GOLGA8A: variants seen among roughly 807,000 people sequenced by gnomAD.
GOLGA8A encodes golgin subfamily A member 8A.
In GOLGA8A, 3 loss-of-function variants were observed where a neutral mutation model predicts 22.1. The ratio of observed to expected loss-of-function variants is 0.14; its 90% CI spans 0.06 to 0.35. The LOEUF (loss-of-function observed/expected upper bound fraction) is 0.35. Among genes scored for constraint, GOLGA8A ranks in the 10% least tolerant of loss-of-function variants. The probability of loss-of-function intolerance (pLI) is 1.00; values close to 1 mark genes in which losing one functional copy is unlikely to be tolerated. For missense variants in GOLGA8A, 16 were observed against 233.2 expected, an observed-to-expected ratio of 0.07 and a Z score of 6.07; for synonymous variants, 7 against 91.7, an observed-to-expected ratio of 0.08 and a Z score of 5.28.
intron 6 of GOLGA8A, 82 bp downstream of exon 6, chr15:34,400,630 T>C (rs1293831382): frequency 5.3e-4 from 75 of 142,408 alleles, no homozygotes; most frequent in Middle Eastern, 3.7e-3. Context: ...TTGTTTTTTT[T>C]GTTTTAGGCC....
chr15:34,425,232 C>A (rs1892935457), intron 2 of GOLGA8A, among the ~76,000 whole-genome samples: 1 of 147,816 alleles, frequency 6.8e-6, no homozygotes. Context: ...GTAACTTACA[C>A]GGTAGATAGT....
chr15:34,427,660 A>G (rs1453606577), intron 2 of GOLGA8A, among the ~76,000 whole-genome samples: 1 of 144,964 alleles, frequency 6.9e-6, no homozygotes, highest in African/African-American at 2.5e-5. Context: ...CCTGCCAGCC[A>G]TCGGACTCCC....
chr15:34,381,213 G>C lies in GOLGA8A; in HGVS notation c.*198C>G. ...AAGAAAAATGCTGAAGGATGCCAGA[G>C]TGAACATCAGTGAGAGCCACAGAGA... On this transcript the variant is annotated 3_prime_UTR_variant, in exon 25 of 25. Transcript: ENST00000359187. The C allele has an allele frequency of 1.1e-6, 1 of 947,414 alleles. No homozygotes were observed. The highest frequency in any genetic ancestry group is 1.6e-6 in the Non-Finnish European group (1 of 636,872). The allele number at this position is 947,414 out of a possible 1,614,324, so 58.7% of individuals were successfully genotyped here. A position where few individuals can be genotyped will look rare whatever the true frequency, so the allele number is the denominator to read the frequency against.
rs868852919 is a variant in GOLGA8A, at chr15:34,437,045, A to G, written c.-1212+353T>C. Among the ~76,000 whole-genome samples, 353 of 148,758 alleles carry G rather than the reference A, an allele frequency of 2.4e-3. 28 individuals carry two copies. The highest frequency in any genetic ancestry group is 8.5e-3 in the African/African-American group (344 of 40,438). On this transcript the variant is annotated intron_variant, in intron 1 of 24. Transcript: ENST00000359187. ...CACCAGCGGCCCGACCAGCCCGGCGAGACGCGAGCGGGCGGCCCCGCCAGA... is the reference window on the plus strand; with the variant it reads ...CACCAGCGGCCCGACCAGCCCGGCGGGACGCGAGCGGGCGGCCCCGCCAGA...
At chr15:34,436,766 G>A (rs1208835284) in intron 1 of GOLGA8A, among the ~76,000 whole-genome samples, 2 of 149,952 alleles carry the variant, frequency 1.3e-5, no homozygotes, top group Non-Finnish European at 3.0e-5. Context: ...GCCAGGCAGT[G>A]CCTGGCGTGG....
At position 34,384,057 on chromosome 15, in the gene GOLGA8A, G is replaced by A; in HGVS notation, c.568-10C>T. On this transcript the variant is annotated splice_polypyrimidine_tract_variant and intron_variant, in intron 16 of 24. Coordinates refer to ENST00000359187, the MANE Select transcript of GOLGA8A (RefSeq NM_181077.5). ...TACTGCGGCTCGAGAACTGGATGGTGAAGAGTGAGAAGTTTCGATCTGGGG... is the reference window on the plus strand; with the variant it reads ...TACTGCGGCTCGAGAACTGGATGGTAAAGAGTGAGAAGTTTCGATCTGGGG... The A allele has an allele frequency of 1.9e-6, 1 of 534,450 alleles. No individual in the cohort carries two copies. Among genetic ancestry groups the A allele is most frequent in the Middle Eastern group, 4.9e-4 (1 of 2,028 alleles). The allele number at this position is 534,450 out of a possible 1,614,324, so 33.1% of individuals were successfully genotyped here.
rs1251232489 is a variant in GOLGA8A at position 34,423,035 on chromosome 15, C to G, written c.-1123+12348G>C. On this transcript the variant is annotated intron_variant, in intron 2 of 24. Transcript: ENST00000359187. ...AGCCAGAAATGGGGCATTTGGGGAC[C>G]GCAACAGAGAACGGATGCCTAGCAG... is the stretch of plus-strand genomic sequence containing the variant. Among the ~76,000 whole-genome samples the G allele has an allele frequency of 1.5e-5, 2 of 131,454 alleles. 1 individual carries two copies. The highest frequency in any genetic ancestry group is 3.4e-5 in the Non-Finnish European group (2 of 59,504). The allele number at this position is 131,454 out of a possible 152,430, so 86.2% of individuals were successfully genotyped here. A position where few individuals can be genotyped will look rare whatever the true frequency, so the allele number is the denominator to read the frequency against.
intron 2 of GOLGA8A, chr15:34,416,333 T>C (rs1892574788): frequency 6.8e-6 from 1 of 147,878 alleles, no homozygotes; most frequent in Admixed American, 6.9e-5. Context: ...TGATACTCTT[T>C]TGTCCTCTCC....
At position 34,436,407 on chromosome 15, in the gene GOLGA8A, C is replaced by T. The variant is rs189516759; in HGVS notation, c.-1211-936G>A. ...GCCAAGTTTGGGGCGCTTCCTCCACCGCATGCCTGTTTAGGAGCTGACTGC... is the reference window on the plus strand; with the variant it reads ...GCCAAGTTTGGGGCGCTTCCTCCACTGCATGCCTGTTTAGGAGCTGACTGC... On this transcript the variant is annotated intron_variant, in intron 1 of 24. Coordinates refer to ENST00000359187, the MANE Select transcript of GOLGA8A (RefSeq NM_181077.5). Among the ~76,000 whole-genome samples the T allele has an allele frequency of 4.7e-5, 7 of 149,906 alleles. 1 individual carries two copies. In the South Asian group the frequency reaches 6.4e-4, roughly 14 times the overall value.
At position 34,437,468 on chromosome 15, in the gene GOLGA8A, T is replaced by C. The variant is rs1385069872; in HGVS notation, c.-1282A>G. 5 of 79,662 alleles carry C rather than the reference T, an allele frequency of 6.3e-5. No homozygotes were observed. Among genetic ancestry groups the C allele is most frequent in the African/African-American group, 1.8e-4 (3 of 16,696 alleles). 4.9% of individuals were successfully genotyped at this position (79,662 alleles called of 1,614,324 possible). A position where few individuals can be genotyped will look rare whatever the true frequency, so the allele number is the denominator to read the frequency against. On this transcript the variant is annotated 5_prime_UTR_variant, in exon 1 of 25. Coordinates refer to ENST00000359187, the MANE Select transcript of GOLGA8A (RefSeq NM_181077.5). ...CGCCGCCGTCCTCGCCGCGCCGCCGTCCTCGCCGCGCCGCCGTCCTCGCCG... is the reference window on the plus strand; with the variant it reads ...CGCCGCCGTCCTCGCCGCGCCGCCGCCCTCGCCGCGCCGCCGTCCTCGCCG...
chr15:34,433,588 C>T (rs349629), intron 2 of GOLGA8A, among the ~76,000 whole-genome samples: 90,586 of 147,806 alleles, frequency 0.61, 30,623 homozygotes, highest in Non-Finnish European at 0.66. Flanking sequence ...CAGGAGGATC[C>T]AAATGTGAAC....
rs1157306335 is a variant in GOLGA8A, at chr15:34,379,628, A to G, written c.*1783T>C. ...CTCCTGTTAATCTCACATTTATAAA[A>G]GGATCATGAGGCTGCCAAGTGCTAA... is the stretch of plus-strand genomic sequence containing the variant. On this transcript the variant is annotated 3_prime_UTR_variant, in exon 25 of 25. Coordinates refer to ENST00000359187, the MANE Select transcript of GOLGA8A (RefSeq NM_181077.5). The G allele has an allele frequency of 5.2e-5, 8 of 152,672 alleles. No individual in the cohort carries two copies. In the East Asian group the frequency reaches 1.3e-3, roughly 26 times the overall value. The allele number at this position is 152,672 out of a possible 1,614,324, so 9.5% of individuals were successfully genotyped here. A position where few individuals can be genotyped will look rare whatever the true frequency, so the allele number is the denominator to read the frequency against.
intron 2 of GOLGA8A, among the ~76,000 whole-genome samples, chr15:34,434,861 T>C (rs1316590997): frequency 1.3e-5 from 2 of 149,408 alleles, no homozygotes; most frequent in Non-Finnish European, 3.0e-5. Flanking sequence ...TGAGACTGCG[T>C]TGAGGACACA....
At position 34,436,673 on chromosome 15, in the gene GOLGA8A, C is replaced by G. The variant is rs1180994155; in HGVS notation, c.-1212+725G>C. Among the ~76,000 whole-genome samples, 5 of 149,662 alleles carry G rather than the reference C, an allele frequency of 3.3e-5. 1 individual carries two copies. The highest frequency in any genetic ancestry group is 7.4e-5 in the Non-Finnish European group (5 of 67,232). On this transcript the variant is annotated intron_variant, in intron 1 of 24. Coordinates refer to ENST00000359187, the MANE Select transcript of GOLGA8A (RefSeq NM_181077.5). ...CCTGGGCTTACCAAGGCCCGCCGCC[C>G]GACCCATGGAGCCCTGCTTGGGGAC...
chr15:34,429,329 G>A (rs1415890453), intron 2 of GOLGA8A, among the ~76,000 whole-genome samples: 2 of 146,028 alleles, frequency 1.4e-5, no homozygotes, highest in African/African-American at 5.1e-5. Context: ...CTAATGGTCA[G>A]GAACTGCCCC....
At chr15:34,428,018 C>G (rs768224998) in intron 2 of GOLGA8A, among the ~76,000 whole-genome samples, 3 of 148,542 alleles carry the variant, frequency 2.0e-5, no homozygotes, top group African/African-American at 5.0e-5. Flanking sequence ...CAAGATGATA[C>G]AAAGGTCTAA....
chr15:34,429,999 G>T (rs1371161222), intron 2 of GOLGA8A, among the ~76,000 whole-genome samples: 1 of 147,562 alleles, frequency 6.8e-6, no homozygotes, highest in Non-Finnish European at 1.5e-5. Flanking sequence ...CCAGTCCAGG[G>T]GTCCCCCACG....
At chr15:34,427,107 CAG>C (rs1405787177) in intron 2 of GOLGA8A, among the ~76,000 whole-genome samples, 1 of 147,594 alleles carries the variant, frequency 6.8e-6, no homozygotes, top group Non-Finnish European at 1.5e-5. Context: ...CTGAAGCAGG[CAG>C]ATCACGAGAT....
At chr15:34,408,896 A>G (rs1268421052) in intron 2 of GOLGA8A, among the ~76,000 whole-genome samples, 5 of 126,466 alleles carry the variant, frequency 4.0e-5, no homozygotes, top group African/African-American at 5.5e-5. Flanking sequence ...CTCAGTGCTG[A>G]TATCTCCCCA....
Sources: allele counts gnomAD v4.1 joint callset (sites outside exome capture counted in the v4.1 genomes callset), GRCh38; gene constraint gnomAD v4.1.1; transcripts MANE v1.5; gene names NCBI Gene and HGNC (gene_info 2026-07-23, HGNC 2026-07-21).